NRG1: variants seen among roughly 807,000 people sequenced by gnomAD.
NRG1 encodes pro-neuregulin-1, membrane-bound isoform.
A neutral mutation model predicts 63.8 loss-of-function variants in NRG1; 18 were observed. That is an observed-to-expected ratio of 0.28 (90% CI 0.19 to 0.42). The LOEUF (loss-of-function observed/expected upper bound fraction) is 0.42. NRG1 is among the 10% of genes least tolerant of loss of function. The probability of loss-of-function intolerance (pLI) is 1.00; values close to 1 mark genes in which losing one functional copy is unlikely to be tolerated. For synonymous variants in NRG1, 302 were observed against 301.3 expected (o/e 1.00, Z -0.02); for missense variants, 762 against 814.7 (o/e 0.94, Z 0.79).
At chr8:32,510,116 A>ATC (rs1554566643) in intron 1 of NRG1, among the ~76,000 whole-genome samples, 6 of 120,238 alleles carry the variant, frequency 5.0e-5, no homozygotes, top group African/African-American at 1.7e-4. Context: ...TAATAATAAT[A>ATC]ATAATAATAA....
intron 1 of NRG1, among the ~76,000 whole-genome samples, chr8:31,812,562 T>G (rs543314774): frequency 1.2e-4 from 19 of 152,044 alleles, no homozygotes; most frequent in Admixed American, 2.0e-4. Context: ...TCTTCCTTCC[T>G]CCTTCCCTTC....
intron 1 of NRG1, among the ~76,000 whole-genome samples, chr8:32,367,492 T>C (rs1808227734): frequency 6.6e-6 from 1 of 152,150 alleles, no homozygotes. Flanking sequence ...TTTTTAGTGC[T>C]TTTACATATT....
At chr8:32,390,400 G>C (rs1811576177) in intron 1 of NRG1, among the ~76,000 whole-genome samples, 1 of 152,004 alleles carries the variant, frequency 6.6e-6, no homozygotes, top group Non-Finnish European at 1.5e-5. Flanking sequence ...GGGCAACATA[G>C]TGAGACTCCA....
At chr8:31,989,765 G>C (rs1231150408) in intron 1 of NRG1, among the ~76,000 whole-genome samples, 1 of 151,970 alleles carries the variant, frequency 6.6e-6, no homozygotes, top group Non-Finnish European at 1.5e-5. Flanking sequence ...ATTACCTTTG[G>C]CAATCATGGT....
At chr8:32,070,050 A>T (rs1462902) in intron 1 of NRG1, among the ~76,000 whole-genome samples, 1 of 152,124 alleles carries the variant, frequency 6.6e-6, no homozygotes, top group Non-Finnish European at 1.5e-5. Context: ...TTTATTTAAG[A>T]TGTCAATAAA....
intron 1 of NRG1, among the ~76,000 whole-genome samples, chr8:32,433,220 T>G (rs900397225): frequency 6.6e-6 from 1 of 152,100 alleles, no homozygotes; most frequent in Non-Finnish European, 1.5e-5. Flanking sequence ...AAGGAACAAG[T>G]GATGAGACAT....
chr8:31,917,133 A>G (rs1365109437), intron 1 of NRG1, among the ~76,000 whole-genome samples: 1 of 100,824 alleles, frequency 9.9e-6, no homozygotes, highest in Non-Finnish European at 2.0e-5. Flanking sequence ...AGGTTGCGAA[A>G]ATTTTCTCCC....
Position 32,035,218 on chromosome 8 carries a change from A to T in NRG1, c.37+395787A>T, listed in dbSNP as rs534050189. Among the ~76,000 whole-genome samples, 5 of 152,234 alleles carry T rather than the reference A, an allele frequency of 3.3e-5. No individual in the cohort carries two copies. The South Asian group carries it at 1.0e-3, about 32-fold the overall frequency. Reference sequence around the variant, plus strand: ...TTCATTATCTACCCAGGTGTCATTCAGGAGCAGGTTGTTCAATTTCGATGT... The same window carrying T: ...TTCATTATCTACCCAGGTGTCATTCTGGAGCAGGTTGTTCAATTTCGATGT... On this transcript the variant is annotated intron_variant, in intron 1 of 10. Transcript: ENST00000519301.
At chr8:31,664,165 C>T (rs1318770694) in intron 1 of NRG1, among the ~76,000 whole-genome samples, 2 of 152,160 alleles carry the variant, frequency 1.3e-5, no homozygotes, top group East Asian at 1.9e-4. Context: ...CCCCTCCTTC[C>T]TTCTCCAACA....
intron 1 of NRG1, among the ~76,000 whole-genome samples, chr8:31,726,732 G>A (rs1307709562): frequency 1.3e-5 from 2 of 152,112 alleles, no homozygotes; most frequent in African/African-American, 4.8e-5. Context: ...ATCCTAAGGA[G>A]CCCTGGAGCT....
intron 3 of NRG1, among the ~76,000 whole-genome samples, chr8:32,606,110 T>A (rs900891419): frequency 6.7e-6 from 1 of 149,338 alleles, no homozygotes; most frequent in Non-Finnish European, 1.5e-5. Flanking sequence ...ATATGCGTTA[T>A]ATATGTATAT....
chr8:31,934,394 C>A (rs1424338833), intron 1 of NRG1, among the ~76,000 whole-genome samples: 1 of 143,838 alleles, frequency 7.0e-6, no homozygotes, highest in African/African-American at 2.5e-5. Flanking sequence ...CCTACACACA[C>A]ATACACACAC....
chr8:32,156,339 C>T (rs561048072), intron 1 of NRG1, among the ~76,000 whole-genome samples: 1 of 152,344 alleles, frequency 6.6e-6, no homozygotes, highest in East Asian at 1.9e-4. Flanking sequence ...CATGCACCAT[C>T]ATTGTGCCTT....
intron 1 of NRG1, among the ~76,000 whole-genome samples, chr8:32,360,906 G>C (rs966701488): frequency 6.6e-6 from 1 of 152,158 alleles, no homozygotes; most frequent in Non-Finnish European, 1.5e-5. Flanking sequence ...CTGGTGGTTC[G>C]GAGGTAGAGC....
intron 1 of NRG1, among the ~76,000 whole-genome samples, chr8:32,119,462 A>T (rs1033020921): frequency 6.6e-6 from 1 of 152,084 alleles, no homozygotes; most frequent in African/African-American, 2.4e-5. Flanking sequence ...AAGGCAATCC[A>T]TCTTCTAAGT....
At chr8:32,072,637 G>A (rs1376096675) in intron 1 of NRG1, among the ~76,000 whole-genome samples, 1 of 152,018 alleles carries the variant, frequency 6.6e-6, no homozygotes, top group African/African-American at 2.4e-5. Flanking sequence ...ACTCCACTTT[G>A]TTTTTACTTT....
intron 1 of NRG1, among the ~76,000 whole-genome samples, chr8:31,813,553 C>T (rs1388672581): frequency 4.2e-5 from 3 of 71,562 alleles, no homozygotes; most frequent in African/African-American, 1.1e-4. Context: ...GACAGGTCTC[C>T]CTCTGTCTTC....
chr8:32,575,509 AGTT>A (rs1223855806), intron 1 of NRG1, among the ~76,000 whole-genome samples: 1 of 152,028 alleles, frequency 6.6e-6, no homozygotes, highest in African/African-American at 2.4e-5. Flanking sequence ...GTAAAGGAAA[AGTT>A]GTATTTTAGG....
intron 1 of NRG1, among the ~76,000 whole-genome samples, chr8:32,160,883 A>G (rs955995732): frequency 2.6e-5 from 4 of 152,160 alleles, no homozygotes; most frequent in African/African-American, 9.7e-5. Context: ...TGATTTCTAA[A>G]TTCCCGTAGA....
Sources: allele counts gnomAD v4.1 joint callset (sites outside exome capture counted in the v4.1 genomes callset), GRCh38; gene constraint gnomAD v4.1.1; transcripts MANE v1.5; gene names NCBI Gene and HGNC (gene_info 2026-07-23, HGNC 2026-07-21).